Variants in DGKG observed in about 807,000 individuals in gnomAD.
DGKG encodes the protein DAG kinase gamma.
A neutral mutation model predicts 105.3 loss-of-function variants in DGKG; 78 were observed. That is an observed-to-expected ratio of 0.74 (90% CI 0.62 to 0.89). DGKG has a LOEUF of 0.89. DGKG is among the 40% of genes least tolerant of loss of function. The pLI, the probability that DGKG is intolerant of heterozygous loss-of-function variation, is 0.00. For missense variants in DGKG, 958 were observed against 1,020.1 expected, an observed-to-expected ratio of 0.94 and a Z score of 0.83; for synonymous variants, 346 against 367.1, an observed-to-expected ratio of 0.94 and a Z score of 0.66.
intron 1 of DGKG, among the ~76,000 whole-genome samples, chr3:186,340,078 G>A (rs1357638340): frequency 6.6e-6 from 1 of 152,160 alleles, no homozygotes; most frequent in East Asian, 1.9e-4. Flanking sequence ...AATGTGCCAA[G>A]ATTCCCTGAC....
At chr3:186,188,614 A>AG (rs1179550264) in intron 21 of DGKG, among the ~76,000 whole-genome samples, 1 of 152,120 alleles carries the variant, frequency 6.6e-6, no homozygotes, top group Non-Finnish European at 1.5e-5. Flanking sequence ...CGGGGAATAC[A>AG]GTACAGGCTC....
At chr3:186,232,468 A>G (rs1212069324) in intron 20 of DGKG, among the ~76,000 whole-genome samples, 1 of 152,284 alleles carries the variant, frequency 6.6e-6, no homozygotes, top group Non-Finnish European at 1.5e-5. Flanking sequence ...AAGAAAAATT[A>G]GTTTAAAAAT....
chr3:186,149,121 C>T lies in DGKG; in HGVS notation c.*969G>A. The T allele has an allele frequency of 2.0e-6, 2 of 985,116 alleles. No homozygotes were observed. Among genetic ancestry groups the T allele is most frequent in the Non-Finnish European group, 2.4e-6 (2 of 829,810 alleles). The allele number at this position is 985,116 out of a possible 1,614,324, so 61.0% of individuals were successfully genotyped here. A position where few individuals can be genotyped will look rare whatever the true frequency, so the allele number is the denominator to read the frequency against. On this transcript the variant is annotated 3_prime_UTR_variant, in exon 25 of 25. Transcript: ENST00000265022. ...CAGGAGGGAACCGTCTCCTGGTTTC[C>T]CCAGCAAAGTTCCTTCCTTCCCATC...
At chr3:186,187,905 G>C (rs1294545745) in intron 22 of DGKG, among the ~76,000 whole-genome samples, 1 of 152,180 alleles carries the variant, frequency 6.6e-6, no homozygotes, top group South Asian at 2.1e-4. Flanking sequence ...GTTAGGAACT[G>C]ACTATTGGAT....
intron 11 of DGKG, among the ~76,000 whole-genome samples, chr3:186,271,220 C>A (rs2108584844): frequency 6.6e-6 from 1 of 152,260 alleles, no homozygotes; most frequent in East Asian, 1.9e-4. Flanking sequence ...TATTTCCAGA[C>A]TTGGAGAATG....
chr3:186,222,849 G>A (rs996451036), intron 20 of DGKG, among the ~76,000 whole-genome samples: 5 of 150,852 alleles, frequency 3.3e-5, no homozygotes, highest in African/African-American at 4.9e-5. Flanking sequence ...GTGGTGGCGG[G>A]TGCATGTATT....
At chr3:186,310,265 CAAA>C (rs1165723037) in intron 2 of DGKG, among the ~76,000 whole-genome samples, 11 of 33,294 alleles carry the variant, frequency 3.3e-4, no homozygotes, top group South Asian at 2.6e-3. Flanking sequence ...GACTCCGTCT[CAAA>C]AAAAAAAAAA....
intron 19 of DGKG, among the ~76,000 whole-genome samples, chr3:186,243,909 T>TTTTTTTTTTTTTTTTTG (rs1442522318): frequency 4.7e-5 from 7 of 149,448 alleles, no homozygotes; most frequent in African/African-American, 1.7e-4. Flanking sequence ...TTTTTTTTTT[T>TTTTTTTTTTTTTTTTTG]TTTTGAGATG....
intron 20 of DGKG, among the ~76,000 whole-genome samples, chr3:186,236,223 T>C (rs752794612): frequency 1.3e-5 from 2 of 152,144 alleles, no homozygotes; most frequent in Non-Finnish European, 2.9e-5. Context: ...TCCTCCAACT[T>C]TTAGTTGTCC....
Position 186,301,144 on chromosome 3 carries a change from T to A in DGKG, c.145-2915A>T, listed in dbSNP as rs958449674. On this transcript the variant is annotated intron_variant, in intron 3 of 24. Coordinates refer to ENST00000265022, the MANE Select transcript of DGKG (RefSeq NM_001346.3). ...ATCCAGACCTTTTCTATGTCCATTG[T>A]CCCTGCTGCCATCACCAAAATTCCT... is the stretch of plus-strand genomic sequence containing the variant. Among the ~76,000 whole-genome samples the A allele has an allele frequency of 3.3e-5, 5 of 152,254 alleles. No homozygotes were observed. In the East Asian group the frequency reaches 9.6e-4, roughly 29 times the overall value.
At chr3:186,260,618 G>A (rs765442716) in intron 15 of DGKG, 105 bp from the exon 16 acceptor site, 1 of 865,992 alleles carries the variant, frequency 1.2e-6, no homozygotes, top group South Asian at 1.5e-5. Flanking sequence ...ACTGGTGGCA[G>A]GGATGAGGGT....
At chr3:186,260,325 G>C (rs2276795) in intron 16 of DGKG, 114 bp downstream of exon 16, 2 of 755,050 alleles carry the variant, frequency 2.6e-6, no homozygotes, top group East Asian at 2.5e-5. Context: ...GAGTAAAATG[G>C]CAGGAAGGAA....
At chr3:186,311,125 C>T (rs1268163047) in intron 2 of DGKG, among the ~76,000 whole-genome samples, 1 of 152,120 alleles carries the variant, frequency 6.6e-6, no homozygotes, top group Non-Finnish European at 1.5e-5. Flanking sequence ...CACACTGTAA[C>T]CCAGGTCTTA....
intron 21 of DGKG, chr3:186,207,385 G>A: frequency 1.1e-6 from 1 of 918,160 alleles, no homozygotes; most frequent in Non-Finnish European, 1.3e-6. Context: ...AGGCTGATCT[G>A]ATCACTTGTA....
Position 186,294,724 on chromosome 3 carries a change from C to A in DGKG, c.373+2697G>T, listed in dbSNP as rs192853385. Among the ~76,000 whole-genome samples, 216 of 140,974 alleles carry A rather than the reference C, an allele frequency of 1.5e-3. 3 individuals carry two copies. The South Asian group carries it at 0.016, about 11-fold the overall frequency. 92.5% of individuals were successfully genotyped at this position (140,974 alleles called of 152,430 possible). A position where few individuals can be genotyped will look rare whatever the true frequency, so the allele number is the denominator to read the frequency against. On this transcript the variant is annotated intron_variant, in intron 5 of 24. Coordinates refer to ENST00000265022, the MANE Select transcript of DGKG (RefSeq NM_001346.3). ...TAGAAGATATAAGAGTTATCTGTGC[C>A]TTACACAGATGCCTGAATATGCCTC...
intron 1 of DGKG, among the ~76,000 whole-genome samples, chr3:186,353,270 C>G (rs1279599865): frequency 1.3e-5 from 2 of 152,036 alleles, no homozygotes; most frequent in Non-Finnish European, 2.9e-5. Context: ...TTCCTGTAAT[C>G]CCAGCCCTTT....
intron 15 of DGKG, among the ~76,000 whole-genome samples, chr3:186,260,764 C>A (rs545649438): frequency 6.6e-6 from 1 of 152,222 alleles, no homozygotes; most frequent in Non-Finnish European, 1.5e-5. Context: ...CCAGAAGCAT[C>A]GCCCCTTACA....
chr3:186,283,868 C>A (rs923756814), intron 7 of DGKG, among the ~76,000 whole-genome samples: 2 of 152,162 alleles, frequency 1.3e-5, no homozygotes, highest in African/African-American at 4.8e-5. Flanking sequence ...GTCTAGTGGA[C>A]TTCTTCCCTT....
chr3:186,337,410 AAC>A (rs1560162023), intron 1 of DGKG, among the ~76,000 whole-genome samples: 2 of 151,750 alleles, frequency 1.3e-5, no homozygotes, highest in African/African-American at 4.9e-5. Flanking sequence ...ATAATAAAAA[AAC>A]AAACAAAAAA....
Sources: gnomAD v4.1 joint callset for allele counts (sites outside exome capture counted in the v4.1 genomes callset) on GRCh38, gnomAD v4.1.1 for gene constraint, MANE v1.5 for transcripts, NCBI Gene and HGNC (gene_info 2026-07-23, HGNC 2026-07-21) for gene names.